SLC9B1: variants seen among roughly 807,000 people sequenced by gnomAD.
SLC9B1 encodes solute carrier family 9 member B1, also known as sodium/hydrogen exchanger 9B1.
Under a neutral mutation model 51.7 loss-of-function variants are expected in SLC9B1, and 32 were observed. The ratio of observed to expected loss-of-function variants is 0.62; its 90% confidence interval spans 0.47 to 0.83. SLC9B1 has a LOEUF of 0.83. SLC9B1 is among the 40% of genes least tolerant of loss of function. The probability of loss-of-function intolerance (pLI) is 0.00; values close to 1 mark genes in which losing one functional copy is unlikely to be tolerated. For synonymous variants in SLC9B1, 145 were observed against 212.7 expected (o/e 0.68, Z 2.77); for missense variants, 406 against 613.2 (o/e 0.66, Z 3.57).
intron 3 of SLC9B1, among the ~76,000 whole-genome samples, chr4:102,968,299 C>T (rs1326292212): frequency 6.6e-6 from 1 of 152,108 alleles, no homozygotes; most frequent in Non-Finnish European, 1.5e-5. Flanking sequence ...TATTCATTTA[C>T]AAAAACTAAA....
At chr4:102,918,747 C>T (rs865935519) in intron 7 of SLC9B1, among the ~76,000 whole-genome samples, 18 of 152,338 alleles carry the variant, frequency 1.2e-4, no homozygotes, top group Middle Eastern at 3.4e-3. Context: ...TCACCAGTCA[C>T]TGAGTCTGTT....
chr4:102,887,155 G>A (rs1243153380), intron 11 of SLC9B1, among the ~76,000 whole-genome samples: 1 of 152,138 alleles, frequency 6.6e-6, no homozygotes, highest in Non-Finnish European at 1.5e-5. Flanking sequence ...AAATAATGAA[G>A]TAACTGTTTA....
At chr4:102,939,238 C>CA (rs1223437396) in intron 6 of SLC9B1, among the ~76,000 whole-genome samples, 1 of 151,418 alleles carries the variant, frequency 6.6e-6, no homozygotes, top group African/African-American at 2.4e-5. Flanking sequence ...AAAAAACTCT[C>CA]AGAGACTACG....
chr4:103,015,412 A>T (rs1457019933), intron 1 of SLC9B1, among the ~76,000 whole-genome samples: 1 of 152,162 alleles, frequency 6.6e-6, no homozygotes, highest in Admixed American at 6.5e-5. Context: ...TAGAAAGTCA[A>T]GATATCTGGG....
At chr4:102,991,939 G>A (rs1244948271) in intron 1 of SLC9B1, among the ~76,000 whole-genome samples, 3 of 152,066 alleles carry the variant, frequency 2.0e-5, no homozygotes, top group African/African-American at 7.2e-5. Context: ...ATACAGAAAT[G>A]TAATATTTCT....
At chr4:102,896,275 CT>C (rs1478458975), downstream of SLC9B1, among the ~76,000 whole-genome samples, 1 of 152,206 alleles carries the variant, frequency 6.6e-6, no homozygotes, top group Non-Finnish European at 1.5e-5. Context: ...TCTGGTCCAT[CT>C]CTTGCTGTGA....
chr4:102,969,936 A>G (rs1336852298), intron 3 of SLC9B1, among the ~76,000 whole-genome samples: 3 of 152,048 alleles, frequency 2.0e-5, no homozygotes, highest in Non-Finnish European at 4.4e-5. Flanking sequence ...GGAAGTTTAG[A>G]GAAAAAGAGT....
chr4:102,971,067 T>A (rs1738733991), intron 3 of SLC9B1, among the ~76,000 whole-genome samples: 1 of 152,130 alleles, frequency 6.6e-6, no homozygotes, highest in African/African-American at 2.4e-5. Context: ...CTGTCAATAT[T>A]AGACAGATCA....
intron 3 of SLC9B1, chr4:102,963,152 C>T (rs1231007089): frequency 5.5e-6 from 2 of 360,904 alleles, no homozygotes; most frequent in Non-Finnish European, 1.1e-5. Flanking sequence ...AGAATCAAAC[C>T]TAAGTTTGCA....
At chr4:102,907,407 A>T (rs1043531281) in intron 9 of SLC9B1, among the ~76,000 whole-genome samples, 24 of 152,264 alleles carry the variant, frequency 1.6e-4, no homozygotes, top group Admixed American at 9.2e-4. Flanking sequence ...TATAGCATAT[A>T]CTACTAGGAA....
At chr4:102,986,923 G>C (rs1739655158) in intron 3 of SLC9B1, among the ~76,000 whole-genome samples, 3 of 152,006 alleles carry the variant, frequency 2.0e-5, no homozygotes, top group Admixed American at 2.0e-4. Flanking sequence ...TAAATTCACA[G>C]TCTGATAATT....
At chr4:103,014,759 G>C (rs1741237555) in intron 1 of SLC9B1, 1 of 152,112 alleles carries the variant, frequency 6.6e-6, no homozygotes, top group African/African-American at 2.4e-5. Flanking sequence ...CTTTTTCTTT[G>C]ATATCACTTT....
chr4:102,967,319 C>T (rs1738481121), intron 3 of SLC9B1, among the ~76,000 whole-genome samples: 1 of 152,208 alleles, frequency 6.6e-6, no homozygotes, highest in Admixed American at 6.5e-5. Flanking sequence ...TCCAATGATG[C>T]TTCTGCATTT....
chr4:102,941,199 A>T (rs972986465), intron 6 of SLC9B1, among the ~76,000 whole-genome samples: 1 of 152,190 alleles, frequency 6.6e-6, no homozygotes, highest in East Asian at 1.9e-4. Flanking sequence ...AAAGGAAATC[A>T]TCAACAAACC....
chr4:102,996,693 T>C (rs1740239978), intron 1 of SLC9B1, among the ~76,000 whole-genome samples: 1 of 152,188 alleles, frequency 6.6e-6, no homozygotes, highest in Non-Finnish European at 1.5e-5. Flanking sequence ...CTTTTTTTTG[T>C]AAATCAGGTA....
At chr4:102,920,472 G>A (rs1254804560) in intron 7 of SLC9B1, among the ~76,000 whole-genome samples, 1 of 152,182 alleles carries the variant, frequency 6.6e-6, no homozygotes, top group African/African-American at 2.4e-5. Flanking sequence ...CAGAAAAGCT[G>A]AAAATTCTAA....
chr4:102,907,341 G>C (rs1398026184), intron 9 of SLC9B1, among the ~76,000 whole-genome samples: 1 of 152,096 alleles, frequency 6.6e-6, no homozygotes, highest in Non-Finnish European at 1.5e-5. Context: ...GGGTTGGGAA[G>C]CCCTCCACTA....
chr4:103,018,509 T>G (rs1741522962), intron 1 of SLC9B1, among the ~76,000 whole-genome samples: 1 of 152,158 alleles, frequency 6.6e-6, no homozygotes, highest in African/African-American at 2.4e-5. Context: ...GTGACAATAA[T>G]AAGTGTCATT....
intron 1 of SLC9B1, among the ~76,000 whole-genome samples, chr4:102,997,693 T>G (rs1364552104): frequency 6.6e-6 from 1 of 152,194 alleles, no homozygotes; most frequent in Non-Finnish European, 1.5e-5. Context: ...TTACAGTTGT[T>G]CTAAATCATT....
Sources: gnomAD v4.1 joint callset for allele counts (sites outside exome capture counted in the v4.1 genomes callset) on GRCh38, gnomAD v4.1.1 for gene constraint, MANE v1.5 for transcripts, NCBI Gene and HGNC (gene_info 2026-07-23, HGNC 2026-07-21) for gene names.